CD2AP: variants seen among roughly 807,000 people sequenced by gnomAD.
CD2AP encodes CD2-associated protein.
A neutral mutation model predicts 85.1 loss-of-function variants in CD2AP; 46 were observed. The observed-to-expected ratio is 0.54, with a 90% CI of 0.43 to 0.69. The LOEUF (loss-of-function observed/expected upper bound fraction) is 0.69. Ranked by LOEUF, CD2AP falls within the 30% of genes least tolerant of loss-of-function variation. The pLI, the probability that CD2AP is intolerant of heterozygous loss-of-function variation, is 0.00. For missense variants in CD2AP, 769 were observed against 729.5 expected, an observed-to-expected ratio of 1.05 and a Z score of -0.62; for synonymous variants, 255 against 252.9, an observed-to-expected ratio of 1.01 and a Z score of -0.08.
chr6:47,602,382 G>A (rs1380144295), intron 13 of CD2AP, among the ~76,000 whole-genome samples: 1 of 151,808 alleles, frequency 6.6e-6, no homozygotes, highest in African/African-American at 2.4e-5. Flanking sequence ...GAAAATCTCA[G>A]TGCCACTACT....
chr6:47,601,517 AT>A (rs1174214858), intron 13 of CD2AP, among the ~76,000 whole-genome samples: 21 of 151,992 alleles, frequency 1.4e-4, no homozygotes, highest in African/African-American at 5.1e-4. Context: ...CAGGTTTTAT[AT>A]CCTCAGTCGT....
At chr6:47,576,921 G>A in intron 7 of CD2AP, 88 bp from the exon 8 acceptor site, 2 of 801,740 alleles carry the variant, frequency 2.5e-6, no homozygotes, top group Non-Finnish European at 2.2e-6. Context: ...ATAACTTTTA[G>A]TATACTTTAC....
At chr6:47,579,350 GTC>G in intron 8 of CD2AP, 33 bp from the exon 9 acceptor site, 2 of 872,644 alleles carry the variant, frequency 2.3e-6, no homozygotes, top group South Asian at 1.6e-5. Flanking sequence ...AAAAAAAAAG[GTC>G]TATTGTCTTA....
intron 13 of CD2AP, among the ~76,000 whole-genome samples, chr6:47,602,723 C>G (rs1024394400): frequency 6.8e-6 from 1 of 146,752 alleles, no homozygotes; most frequent in East Asian, 2.0e-4. Context: ...GACCGTGTCT[C>G]TACAGAAAAA....
intron 13 of CD2AP, among the ~76,000 whole-genome samples, chr6:47,601,195 T>C (rs1769120012): frequency 6.6e-6 from 1 of 151,986 alleles, no homozygotes; most frequent in Non-Finnish European, 1.5e-5. Flanking sequence ...TTACTTGGTT[T>C]GGGGGACCCT....
chr6:47,486,382 A>G (rs1765564952), intron 1 of CD2AP, among the ~76,000 whole-genome samples: 1 of 152,220 alleles, frequency 6.6e-6, no homozygotes, highest in Non-Finnish European at 1.5e-5. Context: ...ATAAGACAAC[A>G]TAATAACAAT....
intron 1 of CD2AP, 78 bp downstream of exon 1, chr6:47,478,326 G>A (rs979361943): frequency 8.5e-6 from 13 of 1,524,384 alleles, no homozygotes; most frequent in African/African-American, 2.7e-5. Context: ...TCGGCCTTCT[G>A]GGGAGGCGAC....
intron 13 of CD2AP, among the ~76,000 whole-genome samples, chr6:47,604,172 T>C (rs1303263735): frequency 6.6e-6 from 1 of 152,134 alleles, no homozygotes; most frequent in Non-Finnish European, 1.5e-5. Context: ...GACAATGTGA[T>C]TGCAAAAGCT....
chr6:47,547,757 A>G (rs984826195), intron 4 of CD2AP, among the ~76,000 whole-genome samples: 2 of 152,158 alleles, frequency 1.3e-5, no homozygotes, highest in African/African-American at 2.4e-5. Flanking sequence ...TTTCTCCAAG[A>G]TAGACCATAT....
rs767391772 is a variant in CD2AP at position 47,598,518 on chromosome 6, C to A, written c.1275-783C>A. 2.7e-5 allele frequency among the ~76,000 whole-genome samples: 4 copies of A among 150,632 alleles called. 1 individual carries two copies. Among genetic ancestry groups the A allele is most frequent in the Non-Finnish European group, 4.5e-5 (3 of 67,276 alleles). On this transcript the variant is annotated intron_variant, in intron 12 of 17. Transcript: ENST00000359314. ...ACCAGCCCAGATGCCCATGAATCAA[C>A]GAGTGAATAAAGAAATTGTGGTATA... is the stretch of plus-strand genomic sequence containing the variant.
At chr6:47,480,624 T>C (rs1336828483) in intron 1 of CD2AP, among the ~76,000 whole-genome samples, 4 of 152,164 alleles carry the variant, frequency 2.6e-5, no homozygotes, top group African/African-American at 9.7e-5. Context: ...TCATAGGTTG[T>C]TAGGAGGATT....
At chr6:47,521,813 C>T (rs1766604963) in intron 2 of CD2AP, among the ~76,000 whole-genome samples, 1 of 151,860 alleles carries the variant, frequency 6.6e-6, no homozygotes, top group African/African-American at 2.4e-5. Context: ...TTCTGGAGTT[C>T]AAGACCAGCC....
At chr6:47,548,900 T>A (rs1767439312) in intron 4 of CD2AP, among the ~76,000 whole-genome samples, 1 of 152,130 alleles carries the variant, frequency 6.6e-6, no homozygotes. Flanking sequence ...TAGTTTAACA[T>A]ACGCAAGTCA....
chr6:47,551,749 G>T (rs1402546252), intron 4 of CD2AP, among the ~76,000 whole-genome samples: 1 of 152,092 alleles, frequency 6.6e-6, no homozygotes, highest in African/African-American at 2.4e-5. Context: ...TTCAATGGTG[G>T]GGTGTCCTGG....
chr6:47,575,429 T>TA (rs1768281057), intron 6 of CD2AP, among the ~76,000 whole-genome samples: 1 of 152,192 alleles, frequency 6.6e-6, no homozygotes, highest in Non-Finnish European at 1.5e-5. Flanking sequence ...CAAGAGTTGT[T>TA]ATTAGTGACT....
rs924828714 is a variant in CD2AP, at chr6:47,624,551, G to C, written c.*324G>C. On this transcript the variant is annotated 3_prime_UTR_variant, in exon 18 of 18. Transcript: ENST00000359314. ...TTGAAACTTGTATTATTTTTAAAGA[G>C]ATCTATACTATAAATATGGTGATAT... 1.1e-5 allele frequency: 3 copies of C among 280,160 alleles called. No homozygotes were observed. The highest frequency in any genetic ancestry group is 6.7e-5 in the African/African-American group (3 of 44,602). The allele number at this position is 280,160 out of a possible 1,614,324, so 17.4% of individuals were successfully genotyped here.
chr6:47,533,869 C>G (rs545813544), intron 3 of CD2AP, 114 bp downstream of exon 3: 1 of 1,033,530 alleles, frequency 9.7e-7, no homozygotes, highest in South Asian at 1.5e-5. Context: ...ACAGTAACTT[C>G]CTGCAAAGTC....
chr6:47,530,313 A>G (rs1026628507), intron 2 of CD2AP, among the ~76,000 whole-genome samples: 1 of 152,216 alleles, frequency 6.6e-6, no homozygotes, highest in Non-Finnish European at 1.5e-5. Context: ...CACAATAAAG[A>G]TGCAGAGGCT....
rs569215676 is a variant in CD2AP at position 47,599,283 on chromosome 6, G to GT, written c.1275-11dup. 70 of 1,608,656 alleles carry GT rather than the reference G, an allele frequency of 4.4e-5. No homozygotes were observed. The Admixed American group carries it at 7.4e-4, about 17-fold the overall frequency. On this transcript the variant is annotated splice_polypyrimidine_tract_variant and intron_variant, in intron 12 of 17. Coordinates refer to ENST00000359314, the MANE Select transcript of CD2AP (RefSeq NM_012120.3). ...TGTTTCATACTAGTGATTTTTGCGT[G>GT]TTTTTTTCTTATTTCAGGATTAATG... is the stretch of plus-strand genomic sequence containing the variant.
Sources: allele counts gnomAD v4.1 joint callset (sites outside exome capture counted in the v4.1 genomes callset), GRCh38; gene constraint gnomAD v4.1.1; transcripts MANE v1.5; gene names NCBI Gene and HGNC (gene_info 2026-07-23, HGNC 2026-07-21).